The following GABRA2 variants were observed in gnomAD, a reference collection of about 807,000 sequenced individuals.
GABRA2 encodes gamma-aminobutyric acid receptor subunit alpha-2.
GABRA2 carries 16 observed loss-of-function variants against 48.7 expected under a neutral mutation model. The observed-to-expected ratio is 0.33, with a 90% CI of 0.22 to 0.50. The LOEUF (loss-of-function observed/expected upper bound fraction) is 0.50. GABRA2 is among the 20% of genes least tolerant of loss of function. GABRA2 has a pLI of 0.98. For missense variants in GABRA2, 275 were observed against 535.6 expected, an observed-to-expected ratio of 0.51 and a Z score of 4.80; for synonymous variants, 185 against 184.5, an observed-to-expected ratio of 1.00 and a Z score of -0.02.
chr4:46,390,028 G>T lies in GABRA2; in HGVS notation c.-304C>A. ...AGAGGAGGAGGAGGAAGAGGAGGAG[G>T]GGGAAAACGATGACAGGAGCTGGGG... On this transcript the variant is annotated 5_prime_UTR_variant, in exon 1 of 10. Coordinates refer to ENST00000381620, the MANE Select transcript of GABRA2 (RefSeq NM_000807.4). The T allele has an allele frequency of 3.5e-6, 3 of 851,974 alleles. No individual in the cohort carries two copies. The highest frequency in any genetic ancestry group is 4.2e-6 in the Non-Finnish European group (3 of 714,582). The allele number at this position is 851,974 out of a possible 1,614,324, so 52.8% of individuals were successfully genotyped here.
chr4:46,302,253 G>A (rs562891249), intron 8 of GABRA2, among the ~76,000 whole-genome samples: 2 of 151,898 alleles, frequency 1.3e-5, no homozygotes, highest in Non-Finnish European at 2.9e-5. Flanking sequence ...GAGAGACAGG[G>A]TCTTGCTATA....
At chr4:46,325,160 C>T (rs1730136309) in intron 4 of GABRA2, among the ~76,000 whole-genome samples, 1 of 151,980 alleles carries the variant, frequency 6.6e-6, no homozygotes, top group Non-Finnish European at 1.5e-5. Context: ...TTTCTGAAAT[C>T]TCCAAATTGC....
chr4:46,353,649 A>G (rs1436029752), intron 3 of GABRA2, among the ~76,000 whole-genome samples: 1 of 152,018 alleles, frequency 6.6e-6, no homozygotes, highest in East Asian at 1.9e-4. Context: ...CTATTGTAGA[A>G]TGCTATTTTT....
At chr4:46,288,350 G>A (rs1340110979) in intron 8 of GABRA2, among the ~76,000 whole-genome samples, 1 of 152,164 alleles carries the variant, frequency 6.6e-6, no homozygotes. Context: ...AGCTTAAGGA[G>A]CTTTTGAGCT....
chr4:46,351,398 C>A (rs1735105310), intron 3 of GABRA2, among the ~76,000 whole-genome samples: 1 of 151,994 alleles, frequency 6.6e-6, no homozygotes, highest in Non-Finnish European at 1.5e-5. Flanking sequence ...GGAGGCTACA[C>A]CTAGATCTGA....
chr4:46,375,095 A>G (rs2110014920), intron 3 of GABRA2, among the ~76,000 whole-genome samples: 1 of 152,270 alleles, frequency 6.6e-6, no homozygotes, highest in Admixed American at 6.5e-5. Flanking sequence ...AAGGTATAAT[A>G]AAAACACAAA....
At chr4:46,307,896 G>A (rs1577992307) in intron 6 of GABRA2, among the ~76,000 whole-genome samples, 1 of 152,162 alleles carries the variant, frequency 6.6e-6, no homozygotes, top group East Asian at 1.9e-4. Context: ...CGAAGAGGGC[G>A]AGTTATATAC....
At chr4:46,388,363 A>T (rs75520579) in intron 2 of GABRA2, among the ~76,000 whole-genome samples, 2 of 152,332 alleles carry the variant, frequency 1.3e-5, no homozygotes, top group African/African-American at 4.8e-5. Context: ...AATCACTTCA[A>T]TTCCTTGTAG....
intron 4 of GABRA2, among the ~76,000 whole-genome samples, chr4:46,319,022 GT>G (rs1456678807): frequency 3.2e-4 from 49 of 151,750 alleles, no homozygotes; most frequent in Non-Finnish European, 2.1e-4. Flanking sequence ...CAAAGATGCA[GT>G]TTCCAGTCAA....
At chr4:46,312,212 A>C (rs1252051284) in intron 5 of GABRA2, among the ~76,000 whole-genome samples, 3 of 141,550 alleles carry the variant, frequency 2.1e-5, no homozygotes, top group Non-Finnish European at 4.5e-5. Context: ...ATCATTATTA[A>C]AAATGTACTT....
In GABRA2 at chr4:46,344,551, G is replaced by A. The variant is rs541367045; in HGVS notation, c.188-11869C>T. On this transcript the variant is annotated intron_variant, in intron 3 of 9. Coordinates refer to ENST00000381620, the MANE Select transcript of GABRA2 (RefSeq NM_000807.4). ...CTTTTTGCTTTGCTTGTTTAAGGCA[G>A]AAGATAGTTGAACATATGGCAAGGC... 1.4e-4 allele frequency among the ~76,000 whole-genome samples: 21 copies of A among 152,050 alleles called. No homozygotes were observed. In the South Asian group the frequency reaches 4.4e-3, roughly 32 times the overall value.
At chr4:46,375,575 T>C (rs1364985963) in intron 3 of GABRA2, among the ~76,000 whole-genome samples, 1 of 152,172 alleles carries the variant, frequency 6.6e-6, no homozygotes, top group Non-Finnish European at 1.5e-5. Flanking sequence ...GCTACAGACA[T>C]AGAAAAATGT....
At chr4:46,308,991 T>G (rs1297952565) in intron 6 of GABRA2, among the ~76,000 whole-genome samples, 2 of 152,202 alleles carry the variant, frequency 1.3e-5, no homozygotes, top group East Asian at 3.9e-4. Flanking sequence ...CCTTCTCTGC[T>G]GCATCTGCTG....
intron 8 of GABRA2, among the ~76,000 whole-genome samples, chr4:46,280,228 A>T (rs1560469406): frequency 6.6e-6 from 1 of 152,108 alleles, no homozygotes; most frequent in Admixed American, 6.6e-5. Flanking sequence ...GACAGTTTGC[A>T]ATTTTAAGTC....
chr4:46,322,043 A>G (rs888127504), intron 4 of GABRA2, among the ~76,000 whole-genome samples: 1 of 152,024 alleles, frequency 6.6e-6, no homozygotes, highest in African/African-American at 2.4e-5. Context: ...GAGAACTACC[A>G]ATAGAACCAG....
chr4:46,330,648 G>C (rs1259288542), intron 4 of GABRA2, among the ~76,000 whole-genome samples: 2 of 148,598 alleles, frequency 1.3e-5, no homozygotes, highest in Non-Finnish European at 3.0e-5. Context: ...AAAAATCAAA[G>C]CTAAAATTTC....
At chr4:46,378,521 C>CG (rs1716297295) in intron 3 of GABRA2, among the ~76,000 whole-genome samples, 1 of 151,752 alleles carries the variant, frequency 6.6e-6, no homozygotes, top group Non-Finnish European at 1.5e-5. Flanking sequence ...ACAAACACTG[C>CG]GGAAGGCCAC....
intron 4 of GABRA2, among the ~76,000 whole-genome samples, chr4:46,329,905 T>A (rs1018350221): frequency 5.9e-5 from 9 of 152,012 alleles, no homozygotes; most frequent in Non-Finnish European, 1.2e-4. Context: ...TCATAGAAAT[T>A]TTTTTAGGCT....
chr4:46,301,350 C>T (rs1315856888), intron 8 of GABRA2, among the ~76,000 whole-genome samples: 1 of 152,104 alleles, frequency 6.6e-6, no homozygotes, highest in Admixed American at 6.6e-5. Context: ...AATTATATAC[C>T]ATGTATTAAA....
Sources: allele counts gnomAD v4.1 joint callset (sites outside exome capture counted in the v4.1 genomes callset), GRCh38; gene constraint gnomAD v4.1.1; transcripts MANE v1.5; gene names NCBI Gene and HGNC (gene_info 2026-07-23, HGNC 2026-07-21).